The following LRCH1 variants were observed in gnomAD, a reference collection of about 807,000 sequenced individuals.
The protein encoded by LRCH1 is leucine-rich repeat and calponin homology domain-containing protein 1.
LRCH1 carries 23 observed loss-of-function variants against 94.9 expected under a neutral mutation model. The ratio of observed to expected loss-of-function variants is 0.24; its 90% confidence interval spans 0.17 to 0.34. LRCH1 has a LOEUF of 0.34. Among genes scored for constraint, LRCH1 ranks in the 10% least tolerant of loss-of-function variants. LRCH1 has a pLI of 1.00. For synonymous variants in LRCH1, 364 were observed against 354.9 expected (o/e 1.03, Z -0.29); for missense variants, 790 against 945.9 (o/e 0.84, Z 2.16).
chr13:46,730,580 T>C (rs997971779), intron 18 of LRCH1, among the ~76,000 whole-genome samples: 45 of 152,224 alleles, frequency 3.0e-4, no homozygotes, highest in African/African-American at 9.6e-4. Flanking sequence ...TATTTTTCTT[T>C]CAAAGGTTCA....
intron 1 of LRCH1, among the ~76,000 whole-genome samples, chr13:46,608,864 C>T (rs996770112): frequency 2.0e-5 from 3 of 152,186 alleles, no homozygotes; most frequent in African/African-American, 7.2e-5. Flanking sequence ...CTAGAAATTA[C>T]TGCAGTACAC....
At chr13:46,600,618 T>TACACACACACACACACAC (rs3068695) in intron 1 of LRCH1, among the ~76,000 whole-genome samples, 2,828 of 143,206 alleles carry the variant, frequency 0.02, 41 homozygotes, top group Non-Finnish European at 0.027. Context: ...TGACCAGATT[T>TACACACACACACACACAC]ACACACACAC....
At chr13:46,562,662 C>A (rs1236495389) in intron 1 of LRCH1, among the ~76,000 whole-genome samples, 1 of 152,186 alleles carries the variant, frequency 6.6e-6, no homozygotes, top group Non-Finnish European at 1.5e-5. Context: ...CACTGACTCA[C>A]CCCTGCTGTA....
At chr13:46,666,410 A>G in intron 2 of LRCH1, among the ~76,000 whole-genome samples, 1 of 152,258 alleles carries the variant, frequency 6.6e-6, no homozygotes, top group East Asian at 1.9e-4. Flanking sequence ...GTAGTATGAT[A>G]CATGACTCTC....
In LRCH1 at chr13:46,742,074, T is replaced by C; in HGVS notation, c.*226T>C. 7.2e-7 allele frequency: 1 copy of C among 1,394,212 alleles called. No homozygotes were observed. The allele number at this position is 1,394,212 out of a possible 1,614,324, so 86.4% of individuals were successfully genotyped here. A position where few individuals can be genotyped will look rare whatever the true frequency, so the allele number is the denominator to read the frequency against. On this transcript the variant is annotated 3_prime_UTR_variant, in exon 20 of 20. Coordinates refer to ENST00000389797, the MANE Select transcript of LRCH1 (RefSeq NM_001164211.2). ...CTTACTGAAATACAACGACGACGACTGCAAAGTGTATGCACACCGCATGCT... is the reference window on the plus strand; with the variant it reads ...CTTACTGAAATACAACGACGACGACCGCAAAGTGTATGCACACCGCATGCT...
In LRCH1 at chr13:46,741,742, C is replaced by G. The variant is rs1390484025; in HGVS notation, c.2186C>G (p.Pro729Arg). Residue 729 changes from proline (P) to arginine (R), a missense_variant, in exon 20 of 20, where the codon CCA becomes CGA. Physicochemically the swap from Pro to Arg is moderately radical, Grantham distance 103 (BLOSUM62 -2). Coordinates refer to ENST00000389797, the MANE Select transcript of LRCH1 (RefSeq NM_001164211.2). ...LLALGEKAPP[P>R]TSALRSRDLI... ...GCACTCGGGGAGAAAGCCCCACCAC[C>G]AACTTCTGCCCTCCGCTCCAGGGAC... is the stretch of plus-strand genomic sequence containing the variant. 1.2e-6 allele frequency: 2 copies of G among 1,614,104 alleles called. No homozygotes were observed. Among genetic ancestry groups the G allele is most frequent in the African/African-American group, 1.3e-5 (1 of 74,948 alleles).
At chr13:46,684,510 C>T (rs540640200) in intron 4 of LRCH1, among the ~76,000 whole-genome samples, 9 of 152,258 alleles carry the variant, frequency 5.9e-5, no homozygotes, top group African/African-American at 2.2e-4. Flanking sequence ...TGCTAAAGAT[C>T]CAGAGTCCAG....
chr13:46,751,354 CT>C (rs1301591815), exon 19 of LRCH1: 1 of 152,038 alleles, frequency 6.6e-6, no homozygotes, highest in Non-Finnish European at 1.5e-5. Context: ...TAGGACACAA[CT>C]TTTCTGGGGA....
chr13:46,673,573 G>A (rs1437439720), intron 3 of LRCH1, among the ~76,000 whole-genome samples: 2 of 152,086 alleles, frequency 1.3e-5, no homozygotes, highest in Non-Finnish European at 2.9e-5. Flanking sequence ...TTGTAGTCAC[G>A]AAGTAACCAA....
intron 3 of LRCH1, among the ~76,000 whole-genome samples, chr13:46,674,288 C>A (rs2051642143): frequency 6.6e-6 from 1 of 152,096 alleles, no homozygotes; most frequent in Non-Finnish European, 1.5e-5. Context: ...TTTTTTAATG[C>A]ATTCCCATTC....
chr13:46,662,160 T>C (rs1005390390), intron 2 of LRCH1, among the ~76,000 whole-genome samples: 1 of 151,906 alleles, frequency 6.6e-6, no homozygotes, highest in Non-Finnish European at 1.5e-5. Context: ...CTTTGGTAGG[T>C]GGTATGGAAG....
intron 1 of LRCH1, among the ~76,000 whole-genome samples, chr13:46,567,943 C>T (rs570148426): frequency 3.3e-5 from 5 of 152,272 alleles, no homozygotes; most frequent in South Asian, 2.1e-4. Context: ...CAGCTAAGTC[C>T]TTTCATAATC....
At chr13:46,721,438 T>A (rs1872579445) in intron 16 of LRCH1, among the ~76,000 whole-genome samples, 1 of 152,224 alleles carries the variant, frequency 6.6e-6, no homozygotes, top group Non-Finnish European at 1.5e-5. Context: ...TATATTTTTA[T>A]ATATGTCTCT....
At chr13:46,635,684 G>A (rs1264546995) in intron 1 of LRCH1, among the ~76,000 whole-genome samples, 1 of 151,528 alleles carries the variant, frequency 6.6e-6, no homozygotes, top group Non-Finnish European at 1.5e-5. Context: ...TGTTAGCCAG[G>A]ATGGTCTCGA....
intron 1 of LRCH1, among the ~76,000 whole-genome samples, chr13:46,628,184 T>C (rs2050973896): frequency 6.6e-6 from 1 of 152,140 alleles, no homozygotes; most frequent in African/African-American, 2.4e-5. Context: ...AGATACACTT[T>C]GGTAAATATG....
intron 18 of LRCH1, among the ~76,000 whole-genome samples, chr13:46,730,431 G>A (rs755678004): frequency 5.9e-5 from 9 of 152,250 alleles, no homozygotes; most frequent in Admixed American, 6.5e-5. Context: ...TGAAGCTCAC[G>A]TGAAGCTCCT....
At chr13:46,652,433 G>C (rs1566201528) in intron 2 of LRCH1, among the ~76,000 whole-genome samples, 1 of 151,630 alleles carries the variant, frequency 6.6e-6, no homozygotes, top group Non-Finnish European at 1.5e-5. Context: ...ATCCTAGCAG[G>C]TTTTTAAGTA....
At chr13:46,597,666 G>A (rs1324881742) in intron 1 of LRCH1, among the ~76,000 whole-genome samples, 1 of 152,088 alleles carries the variant, frequency 6.6e-6, no homozygotes, top group Non-Finnish European at 1.5e-5. Context: ...CCTGTCCAGT[G>A]TTTTTAAGTG....
At chr13:46,624,979 T>C (rs2050927063) in intron 1 of LRCH1, among the ~76,000 whole-genome samples, 1 of 152,234 alleles carries the variant, frequency 6.6e-6, no homozygotes, top group African/African-American at 2.4e-5. Context: ...GCCTGCATCC[T>C]CAGGGTTCTG....
Sources: gnomAD v4.1 joint callset for allele counts (sites outside exome capture counted in the v4.1 genomes callset) on GRCh38, gnomAD v4.1.1 for gene constraint, MANE v1.5 for transcripts, NCBI Gene and HGNC (gene_info 2026-07-23, HGNC 2026-07-21) for gene names.